The following ABHD17B variants were observed in gnomAD, a reference collection of about 807,000 sequenced individuals.
ABHD17B encodes the protein abhydrolase domain containing 17B, depalmitoylase.
Under a neutral mutation model 26.2 loss-of-function variants are expected in ABHD17B, and 9 were observed. The observed-to-expected ratio is 0.34, with a 90% CI of 0.21 to 0.60. ABHD17B has a LOEUF of 0.60. ABHD17B is among the 20% of genes least tolerant of loss of function. The probability of loss-of-function intolerance (pLI) is 0.80; values close to 1 mark genes in which losing one functional copy is unlikely to be tolerated. For synonymous variants in ABHD17B, 127 were observed against 122.3 expected, an observed-to-expected ratio of 1.04 and a Z score of -0.25; for missense variants, 224 against 352.1, an observed-to-expected ratio of 0.64 and a Z score of 2.91.
intron 1 of ABHD17B, among the ~76,000 whole-genome samples, chr9:71,884,958 T>C (rs184000901): frequency 2.0e-5 from 3 of 152,244 alleles, no homozygotes; most frequent in East Asian, 3.9e-4. Flanking sequence ...AGGTTTTTCA[T>C]ATGGGGGCAA....
chr9:71,901,961 CT>C (rs923360303), intron 1 of ABHD17B, among the ~76,000 whole-genome samples: 9 of 152,182 alleles, frequency 5.9e-5, no homozygotes, highest in African/African-American at 1.7e-4. Context: ...ATGATTCCCC[CT>C]ACCCTCCTTG....
chr9:71,880,686 T>A (rs1048627042), intron 1 of ABHD17B, among the ~76,000 whole-genome samples: 2 of 151,954 alleles, frequency 1.3e-5, no homozygotes, highest in African/African-American at 4.8e-5. Context: ...GTTAAAAAAA[T>A]TATAAATAAG....
intron 2 of ABHD17B, among the ~76,000 whole-genome samples, chr9:71,872,922 G>A (rs1325681140): frequency 6.6e-6 from 1 of 151,618 alleles, no homozygotes; most frequent in East Asian, 1.9e-4. Context: ...TTGATTTTAA[G>A]AATCCCTTTT....
chr9:71,892,710 G>A (rs1490903873), intron 1 of ABHD17B, among the ~76,000 whole-genome samples: 1 of 151,926 alleles, frequency 6.6e-6, no homozygotes, highest in Non-Finnish European at 1.5e-5. Flanking sequence ...GAGTAAGGGA[G>A]GTTGTCATTT....
chr9:71,873,811 G>A (rs1826182235), intron 2 of ABHD17B, among the ~76,000 whole-genome samples: 1 of 152,190 alleles, frequency 6.6e-6, no homozygotes, highest in African/African-American at 2.4e-5. Flanking sequence ...AGGACTACAG[G>A]CGTGAGCCAC....
At chr9:71,907,201 T>G (rs1279359798) in intron 1 of ABHD17B, among the ~76,000 whole-genome samples, 1 of 152,084 alleles carries the variant, frequency 6.6e-6, no homozygotes, top group Non-Finnish European at 1.5e-5. Context: ...CCTGACATAG[T>G]TATATAACAG....
rs1825946545 is a variant in ABHD17B, at chr9:71,865,970, C to A, written c.*817G>T. 1.0e-6 allele frequency: 1 copy of A among 985,060 alleles called. No individual in the cohort carries two copies. Among genetic ancestry groups the A allele is most frequent in the Non-Finnish European group, 1.2e-6 (1 of 829,748 alleles). The allele number at this position is 985,060 out of a possible 1,614,324, so 61.0% of individuals were successfully genotyped here. On this transcript the variant is annotated 3_prime_UTR_variant, in exon 4 of 4. Transcript: ENST00000333421. ...GGATTTCATACAATGAAGACTACTG[C>A]AATTCTATGAAGACTATGAGATCAG... is the stretch of plus-strand genomic sequence containing the variant.
intron 3 of ABHD17B, among the ~76,000 whole-genome samples, chr9:71,869,343 C>G (rs1484015890): frequency 1.3e-5 from 2 of 152,006 alleles, no homozygotes; most frequent in African/African-American, 4.8e-5. Context: ...GCCCATCGGC[C>G]ATTCACAAAA....
intron 1 of ABHD17B, among the ~76,000 whole-genome samples, chr9:71,899,123 GAA>G (rs78909056): frequency 2.9e-5 from 4 of 137,158 alleles, no homozygotes; most frequent in African/African-American, 5.3e-5. Context: ...GACTCTCAGG[GAA>G]AAAAAAAAAA....
At chr9:71,877,788 TGAA>T (rs1201987369) in intron 1 of ABHD17B, among the ~76,000 whole-genome samples, 1 of 152,176 alleles carries the variant, frequency 6.6e-6, no homozygotes, top group Non-Finnish European at 1.5e-5. Flanking sequence ...TATAATGCTG[TGAA>T]GAAGTTTCTG....
chr9:71,883,795 G>C (rs1826522182), intron 1 of ABHD17B, among the ~76,000 whole-genome samples: 1 of 152,072 alleles, frequency 6.6e-6, no homozygotes, highest in Admixed American at 6.6e-5. Flanking sequence ...AAATTAGTTG[G>C]GCATGGTGGC....
intron 1 of ABHD17B, among the ~76,000 whole-genome samples, chr9:71,890,930 A>C (rs1826762329): frequency 6.6e-6 from 1 of 152,148 alleles, no homozygotes; most frequent in South Asian, 2.1e-4. Context: ...CTGCCTACCT[A>C]GTACTTCTTT....
At chr9:71,867,139 G>GA in intron 3 of ABHD17B, 133 bp from the exon 4 acceptor site, 1 of 1,113,092 alleles carries the variant, frequency 9.0e-7, no homozygotes, top group Non-Finnish European at 1.2e-6. Context: ...AATGTCTCCT[G>GA]AATTTCCAGT....
intron 1 of ABHD17B, among the ~76,000 whole-genome samples, chr9:71,893,620 G>T (rs1463564754): frequency 6.6e-6 from 1 of 152,186 alleles, no homozygotes; most frequent in Non-Finnish European, 1.5e-5. Flanking sequence ...GGCAATGATT[G>T]ATTAAATCAC....
chr9:71,900,680 C>T (rs983696809), intron 1 of ABHD17B, among the ~76,000 whole-genome samples: 7 of 143,400 alleles, frequency 4.9e-5, no homozygotes, highest in African/African-American at 1.8e-4. Flanking sequence ...AAAAGTCAAA[C>T]TTCTCCACAG....
intron 1 of ABHD17B, among the ~76,000 whole-genome samples, chr9:71,891,036 C>T (rs1826765083): frequency 6.6e-6 from 1 of 152,052 alleles, no homozygotes; most frequent in Non-Finnish European, 1.5e-5. Flanking sequence ...GCACTACCCC[C>T]CACCCCCTTA....
At chr9:71,885,706 A>G (rs948250158) in intron 1 of ABHD17B, among the ~76,000 whole-genome samples, 1 of 152,184 alleles carries the variant, frequency 6.6e-6, no homozygotes, top group African/African-American at 2.4e-5. Context: ...TGTAAAAAAA[A>G]GTCCCTAAAT....
chr9:71,875,327 G>A (rs1476971939), intron 1 of ABHD17B, among the ~76,000 whole-genome samples: 1 of 151,744 alleles, frequency 6.6e-6, no homozygotes. Flanking sequence ...CCGGGTTCAA[G>A]TGGTTCTCCT....
intron 1 of ABHD17B, among the ~76,000 whole-genome samples, chr9:71,878,556 AAAGAC>A (rs1564064529): frequency 6.6e-6 from 1 of 152,222 alleles, no homozygotes; most frequent in Non-Finnish European, 1.5e-5. Context: ...CTGGAAGCCA[AAAGAC>A]AATGGAGAGA....
Sources: allele counts gnomAD v4.1 joint callset (sites outside exome capture counted in the v4.1 genomes callset), GRCh38; gene constraint gnomAD v4.1.1; transcripts MANE v1.5; gene names NCBI Gene and HGNC (gene_info 2026-07-23, HGNC 2026-07-21).